The following DHX33 variants were observed in gnomAD, a reference collection of about 807,000 sequenced individuals.
DHX33 encodes DEAH-box helicase 33.
Under a neutral mutation model 72.5 loss-of-function variants are expected in DHX33, and 42 were observed. The observed-to-expected ratio is 0.58, with a 90% CI of 0.45 to 0.75. The LOEUF (loss-of-function observed/expected upper bound fraction) is 0.75, where lower values mean the gene tolerates loss of function less well. DHX33 is among the 30% of genes least tolerant of loss of function. The pLI, the probability that DHX33 is intolerant of heterozygous loss-of-function variation, is 0.00. For synonymous variants in DHX33, 358 were observed against 366.1 expected, an observed-to-expected ratio of 0.98 and a Z score of 0.25; for missense variants, 842 against 917.5, an observed-to-expected ratio of 0.92 and a Z score of 1.06.
chr17:5,452,860 C>CA (rs1917008323), intron 8 of DHX33, among the ~76,000 whole-genome samples: 1 of 152,196 alleles, frequency 6.6e-6, no homozygotes, highest in Admixed American at 6.5e-5. Context: ...AGGATCAGGG[C>CA]AGGACCCTTG....
At chr17:5,455,906 T>C (rs1217922876) in intron 5 of DHX33, 91 bp downstream of exon 5, 1 of 1,400,084 alleles carries the variant, frequency 7.1e-7, no homozygotes, top group Non-Finnish European at 9.7e-7. Context: ...CCCATACACC[T>C]TATCTGGAGC....
chr17:5,455,310 A>G, intron 5 of DHX33, 39 bp from the exon 6 acceptor site: 1 of 1,539,724 alleles, frequency 6.5e-7, no homozygotes, highest in Non-Finnish European at 9.0e-7. Context: ...GCATTGACAC[A>G]CGGATGATTC....
chr17:5,467,957 C>T (rs1285756686), intron 1 of DHX33, among the ~76,000 whole-genome samples: 2 of 152,192 alleles, frequency 1.3e-5, no homozygotes, highest in African/African-American at 4.8e-5. Context: ...CAGTGGGCAT[C>T]ACATCCAAGT....
Position 5,441,077 on chromosome 17 carries a change from G to C in DHX33, c.*3128C>G, listed in dbSNP as rs770132802. On this transcript the variant is annotated 3_prime_UTR_variant, in exon 12 of 12. Coordinates refer to ENST00000225296, the MANE Select transcript of DHX33 (RefSeq NM_020162.4). ...TTTTTTTTCTCCCTCTAGTTACCAA[G>C]GAATATCGTATCTCAGATGCATGGC... is the stretch of plus-strand genomic sequence containing the variant. 2.3e-4 allele frequency: 35 copies of C among 151,502 alleles called. No homozygotes were observed. The highest frequency in any genetic ancestry group is 4.6e-4 in the Non-Finnish European group (31 of 67,956). 9.4% of individuals were successfully genotyped at this position (151,502 alleles called of 1,614,324 possible).
At chr17:5,467,702 T>C (rs1240623631) in intron 1 of DHX33, among the ~76,000 whole-genome samples, 1 of 152,104 alleles carries the variant, frequency 6.6e-6, no homozygotes, top group Non-Finnish European at 1.5e-5. Flanking sequence ...TAACATCCCC[T>C]GCTCCCAAAG....
intron 1 of DHX33, among the ~76,000 whole-genome samples, chr17:5,467,797 T>G: frequency 6.6e-6 from 1 of 152,120 alleles, no homozygotes; most frequent in East Asian, 1.9e-4. Context: ...CAATATATAC[T>G]CTTAGTCTGT....
In DHX33 at chr17:5,460,948, C is replaced by T; in HGVS notation, c.840G>A (p.Gln280=). ...GCCCCCAGCACCATACCTGGTGGAT[C>T]TGGAAGACGGAGACAAGCGCGGCGT... ...YLHAALVSVF[Q]IHQEAPSSQD... Residue 280 remains glutamine (Q), a synonymous_variant, in exon 4 of 12, where the codon CAG becomes CAA. Coordinates refer to ENST00000225296, the MANE Select transcript of DHX33 (RefSeq NM_020162.4). 1.2e-6 allele frequency: 2 copies of T among 1,612,300 alleles called. No homozygotes were observed. The highest frequency in any genetic ancestry group is 1.7e-6 in the Non-Finnish European group (2 of 1,178,812).
At chr17:5,467,317 C>T (rs181813302) in intron 1 of DHX33, among the ~76,000 whole-genome samples, 1 of 152,316 alleles carries the variant, frequency 6.6e-6, no homozygotes. Flanking sequence ...GGCATTGCTC[C>T]TAGTCAACCC....
intron 3 of DHX33, among the ~76,000 whole-genome samples, chr17:5,461,534 C>T (rs1383486248): frequency 2.0e-5 from 3 of 150,878 alleles, no homozygotes; most frequent in East Asian, 2.0e-4. Context: ...TAAGCAATGG[C>T]GTGAACCTGG....
rs1187960444 is a variant in DHX33, at chr17:5,444,223, C to T, written c.2106G>A (p.Leu702=). The change falls in exon 12 of 12, where the codon CTG becomes CTA. Residue 702 remains leucine (L), a synonymous_variant. Coordinates refer to ENST00000225296, the MANE Select transcript of DHX33 (RefSeq NM_020162.4). This position sits in a 1 kb window ranked among gnomAD's most constrained non-coding sequence, Gnocchi z 4.9. The part of the protein sequence containing the change: ...EAAPEYFRRK[L]RTARN The stretch of plus-strand genomic sequence containing the variant: ...GGGCGGCTCAGTTTCTGGCGGTTCT[C>T]AGCTTCCTCCTAAAGTACTCAGGGG... 6.2e-7 allele frequency: 1 copy of T among 1,613,276 alleles called. No homozygotes were observed. Among genetic ancestry groups the T allele is most frequent in the Non-Finnish European group, 8.5e-7 (1 of 1,179,374 alleles).
Position 5,444,496 on chromosome 17 carries a change from T to C in DHX33, c.1833A>G (p.Ala611=), listed in dbSNP as rs748550891. 6.8e-6 allele frequency: 11 copies of C among 1,613,722 alleles called. No homozygotes were observed. Among genetic ancestry groups the C allele is most frequent in the Non-Finnish European group, 7.6e-6 (9 of 1,179,842 alleles). ...CACTCTCCACGTCTCCTCGGGATGA[T>C]GCGATTGGCATTGACATCTGTTTCG... ...DICLKMSMPI[A]SSRGDVESVR... Residue 611 remains alanine (A), a synonymous_variant, in exon 12 of 12, where the codon GCA becomes GCG. Transcript: ENST00000225296. The surrounding 1 kb of genome is among the most constrained non-coding windows in gnomAD (Gnocchi z 4.9).
rs11286147 is a variant in DHX33 at position 5,463,704 on chromosome 17, GAA to G, written c.290-17_290-16del. ...GCCAGTTTCCCCTAGGAGAGAGGGG[GAA>G]AAAAAAAAAAGGCTCACTGAAATGC... On this transcript the variant is annotated splice_polypyrimidine_tract_variant and intron_variant, in intron 1 of 11. Coordinates refer to ENST00000225296, the MANE Select transcript of DHX33 (RefSeq NM_020162.4). The G allele has an allele frequency of 4.7e-3, 6,228 of 1,323,770 alleles. No homozygotes were observed. The highest frequency in any genetic ancestry group is 8.7e-3 in the Middle Eastern group (34 of 3,902). 82.0% of individuals were successfully genotyped at this position (1,323,770 alleles called of 1,614,324 possible).
chr17:5,446,771 T>G (rs1054487668), intron 11 of DHX33, among the ~76,000 whole-genome samples: 1 of 152,202 alleles, frequency 6.6e-6, no homozygotes. Context: ...CCCTGGCCAC[T>G]ACAGGGTCCT....
chr17:5,454,098 A>C (rs1917084433), intron 6 of DHX33, 118 bp from the exon 7 acceptor site: 4 of 1,231,732 alleles, frequency 3.2e-6, no homozygotes, highest in Non-Finnish European at 3.4e-6. Context: ...AGAAAGCCTC[A>C]AGGCTAGCAC....
At position 5,468,812 on chromosome 17, in the gene DHX33, G is replaced by A. The variant is rs771809345; in HGVS notation, c.48C>T (p.Gly16=). The A allele has an allele frequency of 2.3e-5, 36 of 1,587,250 alleles. No homozygotes were observed. The highest frequency in any genetic ancestry group is 2.7e-5 in the Non-Finnish European group (32 of 1,167,426). ...GFPPAKRFRP[G]SGPPSRAGSF... ...ACCCAGCGCGGCTCGGAGGTCCAGA[G>A]CCTGGCCGGAATCTCTTGGCCGGCG... Residue 16 remains glycine (G), a synonymous_variant, in exon 1 of 12, where the codon GGC becomes GGT. Coordinates refer to ENST00000225296, the MANE Select transcript of DHX33 (RefSeq NM_020162.4).
intron 1 of DHX33, among the ~76,000 whole-genome samples, 165 bp from the exon 2 acceptor site, chr17:5,463,854 C>T (rs1904754457): frequency 6.6e-6 from 1 of 150,962 alleles, no homozygotes; most frequent in Non-Finnish European, 1.5e-5. Flanking sequence ...GACCCCGTCT[C>T]AACAACAACA....
At chr17:5,448,325 AACAT>A (rs1916744520) in intron 11 of DHX33, among the ~76,000 whole-genome samples, 1 of 152,242 alleles carries the variant, frequency 6.6e-6, no homozygotes, top group African/African-American at 2.4e-5. Flanking sequence ...CATGCACAAA[AACAT>A]ACATACACAG....
At position 5,468,556 on chromosome 17, in the gene DHX33, G is replaced by A. The variant is rs759237529; in HGVS notation, c.289+15C>T. On this transcript the variant is annotated intron_variant, in intron 1 of 11. Transcript: ENST00000225296. ...GACGAAGTGCAAGGAAGAGCCCGCC[G>A]GCGCGGCCACTCACCGATGAGGACC... The A allele has an allele frequency of 5.0e-6, 8 of 1,602,516 alleles. No homozygotes were observed. Among genetic ancestry groups the A allele is most frequent in the South Asian group, 3.3e-5 (3 of 89,556 alleles).
chr17:5,448,799 C>G lies in DHX33; in HGVS notation c.1815+10G>C. The G allele has an allele frequency of 6.3e-7, 1 of 1,592,248 alleles. No homozygotes were observed. On this transcript the variant is annotated intron_variant, in intron 11 of 11. Coordinates refer to ENST00000225296, the MANE Select transcript of DHX33 (RefSeq NM_020162.4). ...TTTGTCACCCACAGAACACTAGGAC[C>G]AGACGATACCTTTAAGCAGATGTCC...
Sources: allele counts gnomAD v4.1 joint callset (sites outside exome capture counted in the v4.1 genomes callset), GRCh38; gene constraint gnomAD v4.1.1; non-coding constraint Gnocchi (gnomAD v3.1); transcripts MANE v1.5; gene names NCBI Gene and HGNC (gene_info 2026-07-23, HGNC 2026-07-21).